The following IL1RAPL2 variants were observed in gnomAD, a reference collection of about 807,000 sequenced individuals.
IL1RAPL2 encodes the protein interleukin 1 receptor accessory protein like 2.
In IL1RAPL2, 3 loss-of-function variants were observed where a neutral mutation model predicts 44.1. The ratio of observed to expected loss-of-function variants is 0.07; its 90% CI spans 0.03 to 0.18. IL1RAPL2 has a LOEUF of 0.18. IL1RAPL2 is among the 10% of genes least tolerant of loss of function. The pLI is 1.00. For missense variants in IL1RAPL2, 391 were observed against 496.4 expected (o/e 0.79, Z 2.02); for synonymous variants, 181 against 178.8 (o/e 1.01, Z -0.10).
intron 3 of IL1RAPL2, among the ~76,000 whole-genome samples, chrX:105,202,868 G>A (rs1556147741): frequency 8.9e-6 from 1 of 111,882 alleles, no homozygotes; most frequent in Non-Finnish European, 1.9e-5. Context: ...ATATAATAAT[G>A]TTGACTGGTT....
chrX:104,681,264 CTT>C (rs1930887784), intron 2 of IL1RAPL2, among the ~76,000 whole-genome samples: 1 of 111,977 alleles, frequency 8.9e-6, no homozygotes, highest in African/African-American at 3.2e-5. Context: ...TACAGAAAAA[CTT>C]AATTTAAAAT....
intron 3 of IL1RAPL2, among the ~76,000 whole-genome samples, chrX:105,210,566 C>A (rs782257966): frequency 9.0e-6 from 1 of 110,952 alleles, no homozygotes; most frequent in African/African-American, 3.3e-5. Context: ...TGCTAAACAA[C>A]CTACAATGCA....
At chrX:104,925,780 A>T (rs1284561029) in intron 2 of IL1RAPL2, among the ~76,000 whole-genome samples, 1 of 111,734 alleles carries the variant, frequency 8.9e-6, no homozygotes, top group Non-Finnish European at 1.9e-5. Flanking sequence ...CCCCTTGAAA[A>T]TCAGCACAAG....
chrX:105,478,036 A>G (rs901132228), intron 5 of IL1RAPL2, among the ~76,000 whole-genome samples: 3 of 111,105 alleles, frequency 2.7e-5, no homozygotes, highest in Non-Finnish European at 5.7e-5. Context: ...TTAATATTAT[A>G]TGCTCCCAGG....
chrX:105,683,920 T>C lies in IL1RAPL2; in HGVS notation c.773-33447T>C, dbSNP rs781187684. On this transcript the variant is annotated intron_variant, in intron 6 of 10. Transcript: ENST00000372582. ...CCAAATATATCATCTCTCTGTAGCATATACAAATAAGAAGCAAAAGTATAT... is the reference window on the plus strand; with the variant it reads ...CCAAATATATCATCTCTCTGTAGCACATACAAATAAGAAGCAAAAGTATAT... Among the ~76,000 whole-genome samples the C allele has an allele frequency of 2.7e-5, 3 of 112,525 alleles. No individual in the cohort carries two copies. In the South Asian group the frequency reaches 1.1e-3, roughly 41 times the overall value.
At chrX:104,596,111 C>G (rs934072942) in intron 1 of IL1RAPL2, among the ~76,000 whole-genome samples, 1 of 110,599 alleles carries the variant, frequency 9.0e-6, no homozygotes, top group South Asian at 3.8e-4. Context: ...ATTTTAAAAA[C>G]AAATTTTATA....
At chrX:104,708,921 C>G (rs1435494959) in intron 2 of IL1RAPL2, among the ~76,000 whole-genome samples, 1 of 110,971 alleles carries the variant, frequency 9.0e-6, no homozygotes, top group Non-Finnish European at 1.9e-5. Flanking sequence ...AATTTTAATA[C>G]TAGCCTGCCA....
intron 2 of IL1RAPL2, among the ~76,000 whole-genome samples, chrX:105,192,393 C>G (rs1035730529): frequency 8.9e-6 from 1 of 111,754 alleles, no homozygotes; most frequent in Non-Finnish European, 1.9e-5. Flanking sequence ...TGACTGATCA[C>G]CTGACTTTTC....
intron 6 of IL1RAPL2, among the ~76,000 whole-genome samples, chrX:105,699,372 C>T (rs1170782641): frequency 4.5e-5 from 5 of 111,426 alleles, no homozygotes; most frequent in Admixed American, 9.6e-5. Context: ...GAGCCTACTA[C>T]GTGTCAATTA....
intron 6 of IL1RAPL2, among the ~76,000 whole-genome samples, chrX:105,625,552 T>C (rs2037447352): frequency 8.9e-6 from 1 of 112,128 alleles, no homozygotes; most frequent in Non-Finnish European, 1.9e-5. Flanking sequence ...TTGCATTTTA[T>C]CTTCTAACTG....
At chrX:105,547,521 C>A (rs963712598) in intron 6 of IL1RAPL2, among the ~76,000 whole-genome samples, 3 of 111,869 alleles carry the variant, frequency 2.7e-5, no homozygotes, top group African/African-American at 6.5e-5. Flanking sequence ...CTGTGGGTCA[C>A]CAATTTGGGC....
At chrX:104,685,395 G>A (rs1930968059) in intron 2 of IL1RAPL2, among the ~76,000 whole-genome samples, 1 of 111,924 alleles carries the variant, frequency 8.9e-6, no homozygotes, top group African/African-American at 3.2e-5. Flanking sequence ...TCTGTGTAAT[G>A]TGGGTACCTG....
chrX:105,608,965 A>G (rs1004270646), intron 6 of IL1RAPL2, among the ~76,000 whole-genome samples: 3 of 111,359 alleles, frequency 2.7e-5, no homozygotes, highest in Non-Finnish European at 5.7e-5. Flanking sequence ...AGAGTTCAGT[A>G]GGGACAAACT....
At chrX:105,413,948 C>T (rs2035714595) in intron 5 of IL1RAPL2, among the ~76,000 whole-genome samples, 1 of 111,988 alleles carries the variant, frequency 8.9e-6, no homozygotes, top group Non-Finnish European at 1.9e-5. Flanking sequence ...ATATTGACTT[C>T]ATGCCAAAGT....
At position 104,698,837 on chromosome X, in the gene IL1RAPL2, C is replaced by T. The variant is rs1456431000; in HGVS notation, c.82+39842C>T. ...TTTGTCCATTGGGATCTGGAAAAAG[C>T]TTGAAAACCAGCTCTCAGGAAGAGA... On this transcript the variant is annotated intron_variant, in intron 2 of 10. Coordinates refer to ENST00000372582, the MANE Select transcript of IL1RAPL2 (RefSeq NM_017416.2). Among the ~76,000 whole-genome samples, 8 of 111,569 alleles carry T rather than the reference C, an allele frequency of 7.2e-5. No individual in the cohort carries two copies. In the East Asian group the frequency reaches 2.0e-3, roughly 28 times the overall value.
intron 2 of IL1RAPL2, among the ~76,000 whole-genome samples, chrX:104,928,198 A>G (rs1924817189): frequency 9.0e-6 from 1 of 111,702 alleles, no homozygotes; most frequent in South Asian, 3.8e-4. Context: ...TTTAAAATAT[A>G]CAATTAAGTT....
chrX:104,585,360 ATT>A (rs1452478657), intron 1 of IL1RAPL2, among the ~76,000 whole-genome samples: 9 of 21,172 alleles, frequency 4.3e-4, no homozygotes, highest in African/African-American at 2.3e-3. Context: ...TATTATATAT[ATT>A]ATATATATTA....
intron 2 of IL1RAPL2, among the ~76,000 whole-genome samples, chrX:104,853,898 G>A (rs1922290597): frequency 2.0e-5 from 1 of 48,819 alleles, no homozygotes; most frequent in Admixed American, 2.9e-4. Context: ...GCGAGACTCC[G>A]TCTCAAAAAA....
chrX:104,903,155 G>A (rs1040446198), intron 2 of IL1RAPL2, among the ~76,000 whole-genome samples: 5 of 111,648 alleles, frequency 4.5e-5, no homozygotes, highest in South Asian at 7.5e-4. Context: ...TGCTACTAAC[G>A]TGAATCTTTA....
Sources: allele counts gnomAD v4.1 joint callset (sites outside exome capture counted in the v4.1 genomes callset), GRCh38; gene constraint gnomAD v4.1.1; transcripts MANE v1.5; gene names NCBI Gene and HGNC (gene_info 2026-07-23, HGNC 2026-07-21).